Variants in CPEB1 observed in about 807,000 individuals in gnomAD.
The protein encoded by CPEB1 is cytoplasmic polyadenylation element-binding protein 1.
CPEB1 carries 7 observed loss-of-function variants against 65.8 expected under a neutral mutation model. The observed-to-expected ratio is 0.11, with a 90% CI of 0.06 to 0.20. The LOEUF (loss-of-function observed/expected upper bound fraction) is 0.20. Among genes scored for constraint, CPEB1 ranks in the 10% least tolerant of loss-of-function variants. CPEB1 has a pLI of 1.00. For missense variants in CPEB1, 551 were observed against 712.2 expected, an observed-to-expected ratio of 0.77 and a Z score of 2.58; for synonymous variants, 262 against 260.0, an observed-to-expected ratio of 1.01 and a Z score of -0.08.
In CPEB1 at chr15:82,544,542, C is replaced by T. The variant is rs1334182197; in HGVS notation, c.*50G>A. The T allele has an allele frequency of 6.1e-6, 9 of 1,467,390 alleles. No individual in the cohort carries two copies. Among genetic ancestry groups the T allele is most frequent in the Non-Finnish European group, 8.5e-6 (9 of 1,059,846 alleles). The allele number at this position is 1,467,390 out of a possible 1,614,324, so 90.9% of individuals were successfully genotyped here. On this transcript the variant is annotated 3_prime_UTR_variant, in exon 13 of 13. Coordinates refer to ENST00000684509, the MANE Select transcript of CPEB1 (RefSeq NM_001365242.1). ...TGGCAGGGTGGTGCAGGCTGCTTGCCTGACCTGCCAGCTTTGGGCGCCACA... is the reference window on the plus strand; with the variant it reads ...TGGCAGGGTGGTGCAGGCTGCTTGCTTGACCTGCCAGCTTTGGGCGCCACA...
chr15:82,562,103 T>C (rs1053634214), intron 4 of CPEB1: 10 of 422,014 alleles, frequency 2.4e-5, no homozygotes, highest in African/African-American at 1.5e-4. Flanking sequence ...TAACAGCTAA[T>C]GAGTGACAGA....
chr15:82,640,331 T>C (rs557738158), intron 1 of CPEB1, among the ~76,000 whole-genome samples: 1 of 152,176 alleles, frequency 6.6e-6, no homozygotes, highest in Non-Finnish European at 1.5e-5. Context: ...GCTGTGAATA[T>C]TCTTGTGCAT....
intron 4 of CPEB1, among the ~76,000 whole-genome samples, chr15:82,568,735 A>C (rs1408329377): frequency 6.6e-6 from 1 of 152,254 alleles, no homozygotes; most frequent in Non-Finnish European, 1.5e-5. Flanking sequence ...TAGCAGATGC[A>C]GCACTCGGTA....
chr15:82,594,941 A>G (rs2151165438), intron 3 of CPEB1, among the ~76,000 whole-genome samples: 1 of 152,328 alleles, frequency 6.6e-6, no homozygotes, highest in Admixed American at 6.5e-5. Context: ...TAAGTTCACC[A>G]TCTTACATGG....
chr15:82,568,122 G>A (rs1292908720), intron 4 of CPEB1, among the ~76,000 whole-genome samples: 1 of 152,210 alleles, frequency 6.6e-6, no homozygotes, highest in Non-Finnish European at 1.5e-5. Flanking sequence ...TTTGTAACCA[G>A]AGACCTGGGT....
rs2043638679 is a variant in CPEB1 at position 82,606,687 on chromosome 15, G to A, written c.271+20506C>T. Reference sequence around the variant, plus strand: ...CAAAAAATTAGCCGGGCGTAGTGGCGGGCGCCTGTAGTCCCAGCTACTTGG... The same window carrying A: ...CAAAAAATTAGCCGGGCGTAGTGGCAGGCGCCTGTAGTCCCAGCTACTTGG... On this transcript the variant is annotated intron_variant, in intron 3 of 12. Transcript: ENST00000684509. 2.0e-5 allele frequency among the ~76,000 whole-genome samples: 2 copies of A among 100,528 alleles called. 1 individual carries two copies. Among genetic ancestry groups the A allele is most frequent in the Non-Finnish European group, 4.0e-5 (2 of 50,086 alleles). 66.0% of individuals were successfully genotyped at this position (100,528 alleles called of 152,430 possible). A position where few individuals can be genotyped will look rare whatever the true frequency, so the allele number is the denominator to read the frequency against.
intron 3 of CPEB1, among the ~76,000 whole-genome samples, chr15:82,586,853 T>TGCTA (rs1389393595): frequency 6.6e-6 from 1 of 152,204 alleles, no homozygotes; most frequent in Non-Finnish European, 1.5e-5. Context: ...AGTTAAAAGT[T>TGCTA]GCTAGTAAGG....
At chr15:82,567,790 G>A (rs2039400562) in intron 4 of CPEB1, among the ~76,000 whole-genome samples, 3 of 152,194 alleles carry the variant, frequency 2.0e-5, no homozygotes, top group Non-Finnish European at 4.4e-5. Context: ...GCATCATTAA[G>A]AGAGTCCTTG....
intron 3 of CPEB1, among the ~76,000 whole-genome samples, chr15:82,595,704 A>G (rs1366834722): frequency 6.6e-6 from 1 of 152,232 alleles, no homozygotes; most frequent in Non-Finnish European, 1.5e-5. Context: ...TTATTTGAAG[A>G]AACGTTCTCT....
intron 1 of CPEB1, chr15:82,629,237 CAT>C (rs1203535311): frequency 1.0e-6 from 1 of 983,726 alleles, no homozygotes; most frequent in Non-Finnish European, 1.2e-6. Flanking sequence ...TTTTTGATGA[CAT>C]ATGTAAAGCA....
chr15:82,618,674 GCAAA>G (rs1461891255), intron 3 of CPEB1, among the ~76,000 whole-genome samples: 2 of 152,028 alleles, frequency 1.3e-5, no homozygotes, highest in African/African-American at 4.8e-5. Flanking sequence ...TGTCACAGCA[GCAAA>G]CAAACAGAAA....
At chr15:82,634,880 C>A (rs1392145593) in intron 1 of CPEB1, among the ~76,000 whole-genome samples, 1 of 152,116 alleles carries the variant, frequency 6.6e-6, no homozygotes, top group African/African-American at 2.4e-5. Flanking sequence ...ATTTTTGAAA[C>A]AGAGTCTCGC....
intron 4 of CPEB1, among the ~76,000 whole-genome samples, chr15:82,570,646 T>G (rs1349426893): frequency 2.0e-5 from 3 of 151,888 alleles, no homozygotes; most frequent in Non-Finnish European, 2.9e-5. Context: ...TTGTCCCCAC[T>G]GAACCCTACC....
At chr15:82,577,837 T>C (rs796399143) in intron 3 of CPEB1, among the ~76,000 whole-genome samples, 4 of 152,134 alleles carry the variant, frequency 2.6e-5, no homozygotes, top group African/African-American at 7.2e-5. Flanking sequence ...CTGAAAAATA[T>C]AGCATTGATA....
At position 82,628,561 on chromosome 15, in the gene CPEB1, C is replaced by A; in HGVS notation, c.-97-5G>T. 1.6e-6 allele frequency: 1 copy of A among 637,116 alleles called. No individual in the cohort carries two copies. The highest frequency in any genetic ancestry group is 1.8e-5 in the South Asian group (1 of 54,608). The allele number at this position is 637,116 out of a possible 1,614,324, so 39.5% of individuals were successfully genotyped here. A position where few individuals can be genotyped will look rare whatever the true frequency, so the allele number is the denominator to read the frequency against. ...TCTATTACACAGGCACTGAAACTAA[C>A]GCAAATGGTGGAATTAGGATTGGTA... On this transcript the variant is annotated splice_polypyrimidine_tract_variant and splice_region_variant and intron_variant, in intron 1 of 12. Coordinates refer to ENST00000684509, the MANE Select transcript of CPEB1 (RefSeq NM_001365242.1).
At chr15:82,642,371 C>A (rs1280560124) in intron 1 of CPEB1, among the ~76,000 whole-genome samples, 2 of 152,124 alleles carry the variant, frequency 1.3e-5, no homozygotes. Flanking sequence ...CATAGTGAAA[C>A]CCCATCTCAA....
chr15:82,609,708 C>T (rs932808944), intron 3 of CPEB1, among the ~76,000 whole-genome samples: 8 of 150,328 alleles, frequency 5.3e-5, no homozygotes, highest in African/African-American at 1.9e-4. Context: ...GCTAGATTAA[C>T]CAAGAAGAAA....
chr15:82,636,704 T>C (rs1006203516), intron 1 of CPEB1, among the ~76,000 whole-genome samples: 8 of 152,194 alleles, frequency 5.3e-5, no homozygotes, highest in African/African-American at 1.9e-4. Context: ...CCTCACAACC[T>C]GTATCTCAGC....
chr15:82,566,292 G>A (rs2151022216), intron 4 of CPEB1, among the ~76,000 whole-genome samples: 1 of 152,250 alleles, frequency 6.6e-6, no homozygotes, highest in Non-Finnish European at 1.5e-5. Context: ...ATAGTCTAAT[G>A]GGGGAAAAAA....
Sources: allele counts gnomAD v4.1 joint callset (sites outside exome capture counted in the v4.1 genomes callset), GRCh38; gene constraint gnomAD v4.1.1; transcripts MANE v1.5; gene names NCBI Gene and HGNC (gene_info 2026-07-23, HGNC 2026-07-21).